GPM6B: variants seen among roughly 807,000 people sequenced by gnomAD.
The protein encoded by GPM6B is glycoprotein M6B.
A neutral mutation model predicts 27.2 loss-of-function variants in GPM6B; 4 were observed. The ratio of observed to expected loss-of-function variants is 0.15; its 90% confidence interval spans 0.07 to 0.34. The LOEUF (loss-of-function observed/expected upper bound fraction) is 0.34. Ranked by LOEUF, GPM6B falls within the 10% of genes least tolerant of loss-of-function variation. GPM6B has a pLI of 1.00. For synonymous variants in GPM6B, 124 were observed against 103.1 expected, an observed-to-expected ratio of 1.20 and a Z score of -1.23; for missense variants, 183 against 261.9, an observed-to-expected ratio of 0.70 and a Z score of 2.08.
intron 2 of GPM6B, among the ~76,000 whole-genome samples, chrX:13,803,302 C>T (rs1336132302): frequency 9.1e-6 from 1 of 110,374 alleles, no homozygotes; most frequent in African/African-American, 3.3e-5. Context: ...GTCTGCTACC[C>T]GCCCCCACCC....
At chrX:13,778,073 ACAGT>A (rs1288441353) in intron 5 of GPM6B, among the ~76,000 whole-genome samples, 1 of 97,394 alleles carries the variant, frequency 1.0e-5, no homozygotes, top group Non-Finnish European at 2.0e-5. Flanking sequence ...TTTTTTTGAG[ACAGT>A]CTTGCTCTGT....
intron 1 of GPM6B, among the ~76,000 whole-genome samples, chrX:13,833,569 A>AAAAC (rs2049463877): frequency 1.9e-5 from 2 of 104,689 alleles, no homozygotes; most frequent in South Asian, 4.3e-4. Flanking sequence ...AAAAAAAAAA[A>AAAAC]CTAGAAAAAA....
chrX:13,881,208 G>C (rs910738503), intron 1 of GPM6B, among the ~76,000 whole-genome samples: 2 of 112,355 alleles, frequency 1.8e-5, no homozygotes, highest in Non-Finnish European at 3.8e-5. Flanking sequence ...GGAGCATAGA[G>C]AGTGTGAAAG....
chrX:13,807,150 C>T (rs1405144824), intron 2 of GPM6B, among the ~76,000 whole-genome samples: 2 of 112,266 alleles, frequency 1.8e-5, no homozygotes, highest in Non-Finnish European at 3.8e-5. Context: ...ACTTTCACAG[C>T]TTTGATTTCT....
chrX:13,804,691 C>T (rs868433120), intron 2 of GPM6B, among the ~76,000 whole-genome samples: 1 of 109,931 alleles, frequency 9.1e-6, no homozygotes, highest in Non-Finnish European at 1.9e-5. Flanking sequence ...GCTACAGTAA[C>T]TGCATGAGTG....
upstream of GPM6B, among the ~76,000 whole-genome samples, chrX:13,819,606 T>C (rs1359036483): frequency 8.9e-6 from 1 of 112,297 alleles, no homozygotes; most frequent in African/African-American, 3.2e-5. Context: ...TTGACTTATA[T>C]GTTTGTAAGT....
At chrX:13,904,090 T>C (rs573880988) in intron 1 of GPM6B, among the ~76,000 whole-genome samples, 1 of 111,031 alleles carries the variant, frequency 9.0e-6, no homozygotes, top group African/African-American at 3.3e-5. Flanking sequence ...AAAATATACA[T>C]AGCATTAGAA....
upstream of GPM6B, among the ~76,000 whole-genome samples, chrX:13,821,439 CACA>C (rs2049305813): frequency 8.9e-6 from 1 of 112,115 alleles, no homozygotes; most frequent in Admixed American, 9.4e-5. Context: ...AAATGTTGAA[CACA>C]ACAAGACCAA....
chrX:13,797,204 T>C (rs1343551448), intron 2 of GPM6B, among the ~76,000 whole-genome samples: 1 of 111,883 alleles, frequency 8.9e-6, no homozygotes, highest in Non-Finnish European at 1.9e-5. Context: ...TGTGGTGGGG[T>C]CTGCAAGTGT....
intron 5 of GPM6B, among the ~76,000 whole-genome samples, chrX:13,778,608 A>G (rs764790014): frequency 1.0e-3 from 117 of 112,278 alleles, no homozygotes; most frequent in African/African-American, 3.7e-3. Flanking sequence ...GTACATCTTT[A>G]TACTTCAGAA....
In GPM6B at chrX:13,783,473, G is replaced by C; in HGVS notation, c.417C>G (p.Phe139Leu). The change falls in exon 4 of 8, where the codon TTC (phenylalanine) becomes TTG (leucine). Residue 139 changes from phenylalanine (F) to leucine (L), a missense_variant. By Grantham distance (22) the Phe-to-Leu change is conservative. Transcript: ENST00000316715. ...CTGCCAACAGAATGATCCCATACAA[G>C]AAGAAAAAGGACGCAATTCCATAGA... ...YVIYGIASFF[F>L]LYGIILLAEG... 1.7e-6 allele frequency: 2 copies of C among 1,203,426 alleles called. No homozygotes were observed. Among genetic ancestry groups the C allele is most frequent in the Non-Finnish European group, 2.2e-6 (2 of 889,074 alleles).
chrX:13,870,968 G>A (rs763359528), intron 1 of GPM6B, among the ~76,000 whole-genome samples: 6 of 110,797 alleles, frequency 5.4e-5, no homozygotes, highest in Admixed American at 9.7e-5. Context: ...CTACTTGGGA[G>A]GTTGAAGTAG....
chrX:13,820,651 C>G (rs768710005), upstream of GPM6B, among the ~76,000 whole-genome samples: 1 of 110,877 alleles, frequency 9.0e-6, no homozygotes, highest in Non-Finnish European at 1.9e-5. Flanking sequence ...ATTCCTGGTC[C>G]CCTTAATCTG....
chrX:13,869,581 G>C (rs989968367), intron 1 of GPM6B, among the ~76,000 whole-genome samples: 1 of 111,400 alleles, frequency 9.0e-6, no homozygotes, highest in Non-Finnish European at 1.9e-5. Flanking sequence ...GTTTGGTTCC[G>C]ATTGTCGAAC....
chrX:13,834,517 C>T (rs1352904778), intron 1 of GPM6B, among the ~76,000 whole-genome samples: 3 of 112,309 alleles, frequency 2.7e-5, no homozygotes, highest in Non-Finnish European at 3.8e-5. Context: ...ATTAAGTAAG[C>T]GAATGCATGC....
intron 1 of GPM6B, among the ~76,000 whole-genome samples, chrX:13,835,881 A>G (rs1017498470): frequency 1.8e-5 from 2 of 112,178 alleles, no homozygotes; most frequent in African/African-American, 6.5e-5. Context: ...TTTACATTTT[A>G]TAGTAAAACA....
chrX:13,878,178 A>T (rs2050058862), intron 1 of GPM6B, among the ~76,000 whole-genome samples: 1 of 111,159 alleles, frequency 9.0e-6, no homozygotes, highest in African/African-American at 3.3e-5. Flanking sequence ...AAATCAAAGG[A>T]ATCTCCCAAA....
At chrX:13,901,972 T>C (rs1569295888) in intron 1 of GPM6B, among the ~76,000 whole-genome samples, 1 of 112,379 alleles carries the variant, frequency 8.9e-6, no homozygotes, top group African/African-American at 3.2e-5. Context: ...AACACAAAGT[T>C]ACACTAAAAC....
At chrX:13,792,129 G>T (rs1361960393) in intron 2 of GPM6B, among the ~76,000 whole-genome samples, 1 of 112,010 alleles carries the variant, frequency 8.9e-6, no homozygotes, top group Non-Finnish European at 1.9e-5. Flanking sequence ...AAGCTTCCCT[G>T]ATTCTGAGCT....
Sources: gnomAD v4.1 joint callset for allele counts (sites outside exome capture counted in the v4.1 genomes callset) on GRCh38, gnomAD v4.1.1 for gene constraint, MANE v1.5 for transcripts, NCBI Gene and HGNC (gene_info 2026-07-23, HGNC 2026-07-21) for gene names.